The following UNC13A variants were observed in gnomAD, a reference collection of about 807,000 sequenced individuals.
UNC13A encodes unc-13 homolog A, also known as protein unc-13 homolog A.
UNC13A carries 61 observed loss-of-function variants against 219.7 expected under a neutral mutation model. The observed-to-expected ratio is 0.28, with a 90% CI of 0.23 to 0.34. UNC13A has a LOEUF of 0.34. Ranked by LOEUF, UNC13A falls within the 10% of genes least tolerant of loss-of-function variation. The probability of loss-of-function intolerance (pLI) is 1.00; values close to 1 mark genes in which losing one functional copy is unlikely to be tolerated. For synonymous variants in UNC13A, 920 were observed against 884.6 expected, an observed-to-expected ratio of 1.04 and a Z score of -0.71; for missense variants, 1,476 against 2,270.3, an observed-to-expected ratio of 0.65 and a Z score of 7.11.
intron 30 of UNC13A, among the ~76,000 whole-genome samples, chr19:17,629,793 C>G (rs2144997051): frequency 6.6e-6 from 1 of 152,184 alleles, no homozygotes; most frequent in South Asian, 2.1e-4. Context: ...TCCAACCAAA[C>G]AGCATTGCCA....
chr19:17,606,546 G>T (rs1256106572), intron 43 of UNC13A, among the ~76,000 whole-genome samples, 192 bp from the exon 44 acceptor site: 1 of 151,962 alleles, frequency 6.6e-6, no homozygotes, highest in Non-Finnish European at 1.5e-5. Context: ...GCCCACAGCA[G>T]CTGACCCCGA....
chr19:17,643,990 T>G (rs547318209), intron 19 of UNC13A, among the ~76,000 whole-genome samples: 1 of 152,156 alleles, frequency 6.6e-6, no homozygotes, highest in South Asian at 2.1e-4. Flanking sequence ...ATCTAAGAGG[T>G]TTCCGGGCTC....
intron 31 of UNC13A, 144 bp from the exon 32 acceptor site, chr19:17,628,084 G>A: frequency 1.4e-6 from 1 of 724,226 alleles, no homozygotes; most frequent in Non-Finnish European, 2.3e-6. Flanking sequence ...CAAATGGAAG[G>A]GAGCTTTTGT....
At chr19:17,616,378 G>C (rs1487040518) in intron 41 of UNC13A, 2 of 690,364 alleles carry the variant, frequency 2.9e-6, no homozygotes, top group Non-Finnish European at 2.6e-6. Flanking sequence ...CACCAGGCGC[G>C]GGCGGCGGGC....
chr19:17,688,103 G>A (rs1261917759), intron 1 of UNC13A, 75 bp downstream of exon 1: 3 of 1,498,484 alleles, frequency 2.0e-6, no homozygotes, highest in South Asian at 2.5e-5. Flanking sequence ...GAACCCCCTG[G>A]GAGCCGCATC....
At chr19:17,629,126 C>A (rs1295008521) in intron 31 of UNC13A, 114 bp downstream of exon 31, 2 of 833,344 alleles carry the variant, frequency 2.4e-6, no homozygotes, top group Admixed American at 4.6e-5. Flanking sequence ...CCAGTCAGAT[C>A]ACACACAGGT....
At chr19:17,672,734 T>C (rs1378483374) in intron 3 of UNC13A, among the ~76,000 whole-genome samples, 2 of 152,130 alleles carry the variant, frequency 1.3e-5, no homozygotes. Flanking sequence ...CCGGGAAGGA[T>C]GGCGTGGGGA....
Position 17,606,351 on chromosome 19 carries a change from C to G in UNC13A, c.4815G>C (p.Thr1605=), listed in dbSNP as rs1014046434. 6.5e-7 allele frequency: 1 copy of G among 1,543,760 alleles called. No individual in the cohort carries two copies. The highest frequency in any genetic ancestry group is 8.7e-7 in the Non-Finnish European group (1 of 1,146,892). Residue 1605 remains threonine (T), a synonymous_variant, in exon 44 of 44, where the codon ACG becomes ACC. Transcript: ENST00000519716. The part of the protein sequence containing the change: ...APKYNESFQF[T]LSADAGPECY... ...ACTCGGGACCCGCGTCGGCGCTCAG[C>G]GTGCTGCGTGGGGAGGGGCGGAACG...
In UNC13A at chr19:17,658,262, G is replaced by A; in HGVS notation, c.567C>T (p.Asp189=). ...CACGATCATCCACTGCACTGTCGGGGTCATCGTCTGGAAGAGAGAGGCGGT... is the reference window on the plus strand; with the variant it reads ...CACGATCATCCACTGCACTGTCGGGATCATCGTCTGGAAGAGAGAGGCGGT... ...YFGWGEQHND[D]PDSAVDDRDS... is the part of the protein sequence containing the mutation. Residue 189 remains aspartate (D), a synonymous_variant, in exon 9 of 44, where the codon GAC becomes GAT. Transcript: ENST00000519716. The A allele has an allele frequency of 6.2e-7, 1 of 1,612,112 alleles. No homozygotes were observed. The highest frequency in any genetic ancestry group is 8.5e-7 in the Non-Finnish European group (1 of 1,179,074).
rs185924949 is a variant in UNC13A, at chr19:17,647,169, G to C, written c.2044+96C>G. ...AATGCACCCGACCGAGTGAGTGCGC[G>C]CTGCAAAGGAGAGGGACCAGGCCAT... On this transcript the variant is annotated intron_variant, in intron 17 of 43. Transcript: ENST00000519716. The C allele has an allele frequency of 8.4e-5, 98 of 1,168,396 alleles. 1 individual carries two copies. In the African/African-American group the frequency reaches 1.2e-3, roughly 14 times the overall value. The allele number at this position is 1,168,396 out of a possible 1,614,324, so 72.4% of individuals were successfully genotyped here. A position where few individuals can be genotyped will look rare whatever the true frequency, so the allele number is the denominator to read the frequency against.
chr19:17,608,988 G>C (rs796932125), intron 43 of UNC13A, among the ~76,000 whole-genome samples: 1 of 118,052 alleles, frequency 8.5e-6, no homozygotes, highest in East Asian at 2.7e-4. Context: ...GTGGAGTTTC[G>C]CTTTTGTTGC....
chr19:17,602,107 T>G lies in UNC13A; in HGVS notation c.*3947A>C, dbSNP rs2144881231. ...TTTTGCATCTCTGATGGGGGCATGG[T>G]GAGGTCTCAGGCTCTGGGGCCTGAG... On this transcript the variant is annotated 3_prime_UTR_variant, in exon 44 of 44. Transcript: ENST00000519716. 1 of 152,540 alleles carries G rather than the reference T, an allele frequency of 6.6e-6. No individual in the cohort carries two copies. Among genetic ancestry groups the G allele is most frequent in the South Asian group, 2.1e-4 (1 of 4,804 alleles). The allele number at this position is 152,540 out of a possible 1,614,324, so 9.4% of individuals were successfully genotyped here.
intron 28 of UNC13A, among the ~76,000 whole-genome samples, chr19:17,631,099 C>G (rs981655940): frequency 7.8e-6 from 1 of 128,826 alleles, no homozygotes; most frequent in Admixed American, 7.6e-5. Context: ...TTCCTTCCTT[C>G]CTTCTTCAGA....
At chr19:17,678,350 G>A (rs547202316) in intron 1 of UNC13A, among the ~76,000 whole-genome samples, 4 of 152,200 alleles carry the variant, frequency 2.6e-5, no homozygotes, top group East Asian at 1.9e-4. Flanking sequence ...GTGGTGGCAC[G>A]CACCTCTAAT....
chr19:17,626,753 T>C lies in UNC13A; in HGVS notation c.3953A>G (p.Gln1318Arg). The change falls in exon 34 of 44, where the codon CAG becomes CGG. Residue 1318 changes from glutamine to arginine, a missense_variant. Physicochemically the swap from Gln to Arg is conservative, Grantham distance 43 (BLOSUM62 1). Coordinates refer to ENST00000519716, the MANE Select transcript of UNC13A (RefSeq NM_001080421.3). ...AACCTGGCTAAGGATGTCACCCATC[T>C]GTTTGACACACTCTTCAATGTGCGG... ...FQPHIEECVK[Q>R]MGDILSQVKG... 1 of 1,612,570 alleles carries C rather than the reference T, an allele frequency of 6.2e-7. No homozygotes were observed. Among genetic ancestry groups the C allele is most frequent in the Non-Finnish European group, 8.5e-7 (1 of 1,179,314 alleles).
chr19:17,661,991 C>T (rs1727380492), intron 8 of UNC13A, among the ~76,000 whole-genome samples: 1 of 152,122 alleles, frequency 6.6e-6, no homozygotes, highest in African/African-American at 2.4e-5. Flanking sequence ...CTTGTAATCC[C>T]AGCCCTTTGG....
intron 31 of UNC13A, chr19:17,628,481 A>ACACT (rs992291036): frequency 5.9e-6 from 1 of 169,874 alleles, no homozygotes; most frequent in Non-Finnish European, 1.3e-5. Context: ...ACACACACAC[A>ACACT]CACTCACACT....
At chr19:17,623,661 G>T (rs1204551402) in intron 35 of UNC13A, 114 bp from the exon 36 acceptor site, 2 of 535,360 alleles carry the variant, frequency 3.7e-6, no homozygotes, top group Non-Finnish European at 6.3e-6. Context: ...CAAGACCCCT[G>T]CCCCAGCCCA....
chr19:17,684,669 A>T (rs1297911819), intron 1 of UNC13A, among the ~76,000 whole-genome samples: 1 of 152,254 alleles, frequency 6.6e-6, no homozygotes, highest in Non-Finnish European at 1.5e-5. Context: ...CTGGGTGTAT[A>T]CACAAGAGCT....
Sources: gnomAD v4.1 joint callset for allele counts (sites outside exome capture counted in the v4.1 genomes callset) on GRCh38, gnomAD v4.1.1 for gene constraint, MANE v1.5 for transcripts, NCBI Gene and HGNC (gene_info 2026-07-23, HGNC 2026-07-21) for gene names.